Variants in MAMDC2 observed in about 807,000 individuals in gnomAD.
MAMDC2 encodes MAM domain containing 2, also known as MAM domain-containing protein 2.
MAMDC2 carries 57 observed loss-of-function variants against 89.8 expected under a neutral mutation model. The observed-to-expected ratio is 0.63, with a 90% CI of 0.51 to 0.79. The LOEUF (loss-of-function observed/expected upper bound fraction) is 0.79. Ranked by LOEUF, MAMDC2 falls within the 30% of genes least tolerant of loss-of-function variation. MAMDC2 has a pLI of 0.00. For synonymous variants in MAMDC2, 313 were observed against 293.4 expected, an observed-to-expected ratio of 1.07 and a Z score of -0.68; for missense variants, 800 against 820.6, an observed-to-expected ratio of 0.97 and a Z score of 0.31.
chr9:70,181,187 C>T (rs1436393765), intron 11 of MAMDC2, among the ~76,000 whole-genome samples: 2 of 152,120 alleles, frequency 1.3e-5, no homozygotes, highest in African/African-American at 4.8e-5. Context: ...TTTCTGAGGC[C>T]TCTGTTCTGT....
chr9:70,077,167 G>A (rs943554513), intron 2 of MAMDC2, among the ~76,000 whole-genome samples: 2 of 152,140 alleles, frequency 1.3e-5, no homozygotes, highest in East Asian at 3.8e-4. Context: ...AGAATGTGGC[G>A]AGGGCTTGAG....
chr9:70,220,695 C>T (rs2033539173), intron 12 of MAMDC2, among the ~76,000 whole-genome samples: 1 of 152,100 alleles, frequency 6.6e-6, no homozygotes, highest in Admixed American at 6.5e-5. Context: ...TGCATGGTTC[C>T]AAAGTTTGTA....
chr9:70,174,507 C>T (rs2032438737), intron 11 of MAMDC2, among the ~76,000 whole-genome samples: 1 of 152,062 alleles, frequency 6.6e-6, no homozygotes, highest in Non-Finnish European at 1.5e-5. Context: ...GTTGAGGTAG[C>T]TCACCAAGAG....
At chr9:70,171,522 A>T (rs1371032243) in intron 11 of MAMDC2, among the ~76,000 whole-genome samples, 7 of 152,130 alleles carry the variant, frequency 4.6e-5, no homozygotes, top group East Asian at 1.9e-4. Flanking sequence ...AATAAATTAA[A>T]AAGTACCTTC....
chr9:70,067,788 T>C (rs1195325054), intron 2 of MAMDC2, among the ~76,000 whole-genome samples: 1 of 152,212 alleles, frequency 6.6e-6, no homozygotes, highest in Middle Eastern at 3.2e-3. Flanking sequence ...ACACTCTTTC[T>C]AGGTGCAATA....
intron 2 of MAMDC2, chr9:70,092,368 A>T (rs1441876208): frequency 6.6e-6 from 1 of 152,252 alleles, no homozygotes; most frequent in Non-Finnish European, 1.5e-5. Context: ...TCTTGAACTC[A>T]ATAAAGACTA....
chr9:70,059,812 C>A (rs1186940263), intron 2 of MAMDC2, among the ~76,000 whole-genome samples: 3 of 152,178 alleles, frequency 2.0e-5, no homozygotes, highest in Non-Finnish European at 4.4e-5. Context: ...GTGAAGCCTA[C>A]ACTGCCACAC....
intron 2 of MAMDC2, among the ~76,000 whole-genome samples, chr9:70,061,086 C>T (rs1410312538): frequency 1.3e-5 from 2 of 152,188 alleles, no homozygotes; most frequent in Non-Finnish European, 2.9e-5. Flanking sequence ...ATACCTGCCT[C>T]TCTATGGAGG....
chr9:70,186,502 T>A (rs2118590841), intron 11 of MAMDC2, among the ~76,000 whole-genome samples: 1 of 152,360 alleles, frequency 6.6e-6, no homozygotes. Context: ...CCATCATATC[T>A]ATTGAGAAGT....
intron 11 of MAMDC2, among the ~76,000 whole-genome samples, chr9:70,188,182 T>G (rs2032799867): frequency 6.6e-6 from 1 of 152,188 alleles, no homozygotes; most frequent in Non-Finnish European, 1.5e-5. Context: ...AATCTTTCAG[T>G]TGCAACTTAT....
chr9:70,100,223 G>A (rs1400794389), intron 2 of MAMDC2, among the ~76,000 whole-genome samples: 2 of 152,100 alleles, frequency 1.3e-5, no homozygotes, highest in Non-Finnish European at 2.9e-5. Context: ...TACAAAATTG[G>A]TATTTTAACA....
At chr9:70,207,731 C>G (rs921347316) in intron 11 of MAMDC2, among the ~76,000 whole-genome samples, 1 of 152,092 alleles carries the variant, frequency 6.6e-6, no homozygotes, top group Non-Finnish European at 1.5e-5. Context: ...AATGGTATTG[C>G]CTAGGTTTTC....
chr9:70,215,947 A>G (rs2033438066), intron 11 of MAMDC2, among the ~76,000 whole-genome samples: 5 of 152,204 alleles, frequency 3.3e-5, no homozygotes, highest in Admixed American at 2.6e-4. Flanking sequence ...AAGAGAATGG[A>G]GAAAGGCCTC....
chr9:70,178,848 G>C (rs2032569822), intron 11 of MAMDC2, among the ~76,000 whole-genome samples: 1 of 152,140 alleles, frequency 6.6e-6, no homozygotes, highest in Non-Finnish European at 1.5e-5. Flanking sequence ...CATCAAGAAT[G>C]GTAGGGAGGA....
At chr9:70,149,045 A>AT (rs34684659) in intron 9 of MAMDC2, among the ~76,000 whole-genome samples, 74,033 of 96,518 alleles carry the variant, frequency 0.77, 28,964 homozygotes, top group Middle Eastern at 0.83. Flanking sequence ...AAAAAAAAAA[A>AT]TTTTTTTTTT....
intron 7 of MAMDC2, among the ~76,000 whole-genome samples, chr9:70,135,314 C>G (rs961291182): frequency 6.6e-5 from 10 of 152,084 alleles, no homozygotes; most frequent in Admixed American, 6.6e-5. Context: ...TGTGATCTGC[C>G]CTTTACTAAC....
At chr9:70,089,901 G>T (rs3015188) in intron 2 of MAMDC2, among the ~76,000 whole-genome samples, 128,333 of 152,096 alleles carry the variant, frequency 0.84, 54,601 homozygotes, top group Middle Eastern at 0.91. Flanking sequence ...TTGAAAATGA[G>T]CCTTTTTAAC....
chr9:70,088,830 G>T (rs1343217902), intron 2 of MAMDC2: 1 of 152,002 alleles, frequency 6.6e-6, no homozygotes, highest in African/African-American at 2.4e-5. Flanking sequence ...GTACATGAAT[G>T]ATAGAATTTG....
At chr9:70,219,751 T>C (rs1177849489) in intron 12 of MAMDC2, among the ~76,000 whole-genome samples, 1 of 152,204 alleles carries the variant, frequency 6.6e-6, no homozygotes, top group African/African-American at 2.4e-5. Flanking sequence ...AATAATTTTA[T>C]AGTGATTTAA....
Sources: allele counts gnomAD v4.1 joint callset (sites outside exome capture counted in the v4.1 genomes callset), GRCh38; gene constraint gnomAD v4.1.1; transcripts MANE v1.5; gene names NCBI Gene and HGNC (gene_info 2026-07-23, HGNC 2026-07-21).